The following TMEM255B variants were observed in gnomAD, a reference collection of about 807,000 sequenced individuals.
The protein encoded by TMEM255B is transmembrane protein 255B.
In TMEM255B, 35 loss-of-function variants were observed where a neutral mutation model predicts 34.5. The ratio of observed to expected loss-of-function variants is 1.01; its 90% confidence interval spans 0.77 to 1.34. The LOEUF is 1.34. Among genes scored for constraint, TMEM255B ranks in the 40% most tolerant of loss-of-function variants. The pLI, the probability that TMEM255B is intolerant of heterozygous loss-of-function variation, is 0.00. For missense variants in TMEM255B, 432 were observed against 433.2 expected, an observed-to-expected ratio of 1.00 and a Z score of 0.02; for synonymous variants, 206 against 201.2, an observed-to-expected ratio of 1.02 and a Z score of -0.20.
intron 1 of TMEM255B, among the ~76,000 whole-genome samples, chr13:113,761,739 A>G (rs2050311765): frequency 6.6e-6 from 1 of 152,202 alleles, no homozygotes; most frequent in African/African-American, 2.4e-5. Context: ...GCTTATCACA[A>G]TCTCAAGAGG....
chr13:113,766,322 G>A (rs974869127), intron 2 of TMEM255B, 65 bp downstream of exon 2: 2 of 1,606,694 alleles, frequency 1.2e-6, no homozygotes, highest in South Asian at 1.1e-5. Flanking sequence ...CTCTCAGGGT[G>A]GAGTCCACGC....
At position 113,766,183 on chromosome 13, in the gene TMEM255B, A is replaced by G. The variant is rs1274746703; in HGVS notation, c.115A>G (p.Ile39Val). Residue 39 changes from isoleucine (I) to valine (V), a missense_variant, in exon 2 of 9, where the codon ATA (isoleucine) becomes GTA (valine). Coordinates refer to ENST00000375353, the MANE Select transcript of TMEM255B (RefSeq NM_182614.4). ...GTCTCTGCTGCTGGTGTCCGTCCTC[A>G]TAGTCACCGTCGGGCTGGCTGCCAC... The part of the protein sequence containing the change: ...VGSLLLVSVL[I>V]VTVGLAATTR... 1.9e-6 allele frequency: 3 copies of G among 1,614,108 alleles called. No individual in the cohort carries two copies. The highest frequency in any genetic ancestry group is 2.2e-5 in the East Asian group (1 of 44,886).
intron 3 of TMEM255B, among the ~76,000 whole-genome samples, chr13:113,789,855 T>A (rs2050798521): frequency 6.7e-6 from 1 of 149,872 alleles, no homozygotes; most frequent in African/African-American, 2.5e-5. Flanking sequence ...CTGGACTGAC[T>A]GGGCACGTGA....
At chr13:113,788,674 G>A (rs956842666) in intron 3 of TMEM255B, among the ~76,000 whole-genome samples, 11 of 152,070 alleles carry the variant, frequency 7.2e-5, no homozygotes, top group Non-Finnish European at 1.2e-4. Context: ...GCTCTGTGCC[G>A]TCATCAGCAC....
rs1333462269 is a variant in TMEM255B, at chr13:113,770,557, G to A, written c.252+1397G>A. On this transcript the variant is annotated intron_variant, in intron 3 of 8. Coordinates refer to ENST00000375353, the MANE Select transcript of TMEM255B (RefSeq NM_182614.4). The surrounding 1 kb of genome is among the most constrained non-coding windows in gnomAD (Gnocchi z 4.6). Reference sequence around the variant, plus strand: ...CACTGGGATTCTGGTGGAGCAAAGCGTTCTGTTCTGCATAGTAGAGACAGT... The same window carrying A: ...CACTGGGATTCTGGTGGAGCAAAGCATTCTGTTCTGCATAGTAGAGACAGT... Among the ~76,000 whole-genome samples the A allele has an allele frequency of 4.6e-5, 7 of 152,218 alleles. No individual in the cohort carries two copies. Among genetic ancestry groups the A allele is most frequent in the African/African-American group, 1.4e-4 (6 of 41,450 alleles).
rs752082318 is a variant in TMEM255B, at chr13:113,799,899, C to T, written c.423+480C>T. 1.4e-5 allele frequency: 17 copies of T among 1,197,984 alleles called. No homozygotes were observed. The African/African-American group carries it at 1.9e-4, about 13-fold the overall frequency. The allele number at this position is 1,197,984 out of a possible 1,614,324, so 74.2% of individuals were successfully genotyped here. ...GTCGGAGGGCACAGCTCTGTGACGGCGCTCTCTGTGTGTCTCGCACCTGCC... is the reference window on the plus strand; with the variant it reads ...GTCGGAGGGCACAGCTCTGTGACGGTGCTCTCTGTGTGTCTCGCACCTGCC... On this transcript the variant is annotated intron_variant, in intron 5 of 8. Coordinates refer to ENST00000375353, the MANE Select transcript of TMEM255B (RefSeq NM_182614.4).
chr13:113,784,053 T>C (rs2050704112), intron 3 of TMEM255B, among the ~76,000 whole-genome samples: 1 of 152,256 alleles, frequency 6.6e-6, no homozygotes, highest in East Asian at 1.9e-4. Context: ...GCTGTCGTTA[T>C]CTAGTTTGAA....
intron 1 of TMEM255B, among the ~76,000 whole-genome samples, chr13:113,759,673 G>A (rs2050263432): frequency 1.3e-5 from 2 of 152,106 alleles, no homozygotes; most frequent in Admixed American, 6.5e-5. Context: ...AGGAACAGGC[G>A]CCCCAAAGTG....
intron 5 of TMEM255B, among the ~76,000 whole-genome samples, chr13:113,800,344 G>GTGTGTGT (rs1555367613): frequency 1.0e-5 from 1 of 95,286 alleles, no homozygotes; most frequent in Non-Finnish European, 2.2e-5. Context: ...TGTGTGTGTT[G>GTGTGTGT]GGGGGTGTCC....
At chr13:113,763,695 A>G (rs1049820182) in intron 1 of TMEM255B, among the ~76,000 whole-genome samples, 2 of 152,208 alleles carry the variant, frequency 1.3e-5, no homozygotes, top group Non-Finnish European at 2.9e-5. Flanking sequence ...ATTTTTCAGT[A>G]CTTTATGAGT....
At chr13:113,786,189 G>A (rs567997639) in intron 3 of TMEM255B, among the ~76,000 whole-genome samples, 33 of 150,830 alleles carry the variant, frequency 2.2e-4, no homozygotes, top group African/African-American at 6.6e-4. Context: ...TACTATCCCC[G>A]CTGTCACCAT....
intron 3 of TMEM255B, among the ~76,000 whole-genome samples, chr13:113,783,196 C>T (rs1157226672): frequency 6.6e-6 from 1 of 152,080 alleles, no homozygotes; most frequent in African/African-American, 2.4e-5. Flanking sequence ...TCCTGGGGCT[C>T]TTATGTAATT....
At chr13:113,768,868 A>G (rs1293602947) in intron 2 of TMEM255B, 1 of 623,590 alleles carries the variant, frequency 1.6e-6, no homozygotes, top group East Asian at 3.4e-5. Flanking sequence ...CAGATGCATC[A>G]TTAAAAACCT....
In TMEM255B at chr13:113,759,308, C is replaced by T. The variant is rs1594606460; in HGVS notation, c.39C>T (p.Asp13=). The T allele has an allele frequency of 8.9e-6, 11 of 1,229,516 alleles. No individual in the cohort carries two copies. The highest frequency in any genetic ancestry group is 3.1e-4 in the Middle Eastern group (1 of 3,196). The allele number at this position is 1,229,516 out of a possible 1,614,324, so 76.2% of individuals were successfully genotyped here. Residue 13 remains aspartate, a synonymous_variant, in exon 1 of 9, where the codon GAC becomes GAT. Coordinates refer to ENST00000375353, the MANE Select transcript of TMEM255B (RefSeq NM_182614.4). The part of the protein sequence containing the change: ...PPVPGPLGLL[D]PAEGLSRRKK... ...TGCCCGGGCCCCTGGGCCTGCTGGA[C>T]CCCGCAGGTGAGCGCGGGGCTGGGG...
chr13:113,776,685 C>T (rs1383269009), intron 3 of TMEM255B, among the ~76,000 whole-genome samples: 3 of 152,214 alleles, frequency 2.0e-5, no homozygotes, highest in Non-Finnish European at 4.4e-5. Flanking sequence ...CTCCCGGACA[C>T]GTGGGGCCGA....
intron 4 of TMEM255B, 115 bp downstream of exon 4, chr13:113,795,352 C>T: frequency 1.8e-6 from 2 of 1,113,126 alleles, no homozygotes; most frequent in Non-Finnish European, 2.6e-6. Context: ...CGTCAGTCTC[C>T]ACGCTGGGGG....
chr13:113,763,409 C>G (rs2050339054), intron 1 of TMEM255B, among the ~76,000 whole-genome samples: 1 of 152,154 alleles, frequency 6.6e-6, no homozygotes, highest in South Asian at 2.1e-4. Context: ...CCCACTTGCT[C>G]CCAGCGTGGG....
At chr13:113,774,854 ACAC>A (rs1342151754) in intron 3 of TMEM255B, among the ~76,000 whole-genome samples, 4 of 151,304 alleles carry the variant, frequency 2.6e-5, no homozygotes, top group African/African-American at 7.3e-5. Context: ...CACACAATGC[ACAC>A]CACATACACC....
At chr13:113,759,432 G>C in intron 1 of TMEM255B, 117 bp downstream of exon 1, 1 of 953,950 alleles carries the variant, frequency 1.0e-6, no homozygotes, top group Non-Finnish European at 1.4e-6. Flanking sequence ...CGCGGCACGG[G>C]GTCTGGTCCC....
Sources: allele counts gnomAD v4.1 joint callset (sites outside exome capture counted in the v4.1 genomes callset), GRCh38; gene constraint gnomAD v4.1.1; non-coding constraint Gnocchi (gnomAD v3.1); transcripts MANE v1.5; gene names NCBI Gene and HGNC (gene_info 2026-07-23, HGNC 2026-07-21).